ADCY10: variants seen among roughly 807,000 people sequenced by gnomAD.
ADCY10 encodes the protein adenylate cyclase type 10.
Under a neutral mutation model 183.3 loss-of-function variants are expected in ADCY10, and 156 were observed. The ratio of observed to expected loss-of-function variants is 0.85; its 90% CI spans 0.75 to 0.97. The LOEUF (loss-of-function observed/expected upper bound fraction) is 0.97. Among genes scored for constraint, ADCY10 ranks in the 50% least tolerant of loss-of-function variants. The probability of loss-of-function intolerance (pLI) is 0.00; values close to 1 mark genes in which losing one functional copy is unlikely to be tolerated. For synonymous variants in ADCY10, 645 were observed against 670.0 expected, an observed-to-expected ratio of 0.96 and a Z score of 0.58; for missense variants, 1,745 against 1,934.3, an observed-to-expected ratio of 0.90 and a Z score of 1.84.
Position 167,848,585 on chromosome 1 carries a change from A to G in ADCY10, c.2309-96T>C. On this transcript the variant is annotated intron_variant, in intron 18 of 32. Transcript: ENST00000367851. ...CTTTGAGATGGATCTCATATGAGGA[A>G]GACTGGGCAGAGATGTATATTGGCT... The G allele has an allele frequency of 3.0e-6, 4 of 1,322,790 alleles. No homozygotes were observed. The South Asian group carries it at 3.6e-5, about 12-fold the overall frequency. The allele number at this position is 1,322,790 out of a possible 1,614,324, so 81.9% of individuals were successfully genotyped here.
chr1:167,909,742 T>A (rs955550021), intron 1 of ADCY10, among the ~76,000 whole-genome samples: 1 of 152,158 alleles, frequency 6.6e-6, no homozygotes, highest in African/African-American at 2.4e-5. Flanking sequence ...AGGCAAGGTA[T>A]GACAGTTCAG....
At chr1:167,888,794 T>C (rs1371667163) in intron 8 of ADCY10, among the ~76,000 whole-genome samples, 1 of 104,830 alleles carries the variant, frequency 9.5e-6, no homozygotes, top group Non-Finnish European at 1.9e-5. Context: ...GAGAATAGAG[T>C]GAACCCGGGA....
intron 12 of ADCY10, among the ~76,000 whole-genome samples, chr1:167,876,536 C>T (rs1401262135): frequency 6.6e-6 from 1 of 152,174 alleles, no homozygotes; most frequent in Non-Finnish European, 1.5e-5. Flanking sequence ...TAACATACAG[C>T]TAAGTTTGTG....
rs1267667512 is a variant in ADCY10, at chr1:167,857,191, G to A, written c.1897-752C>T. Reference sequence around the variant, plus strand: ...GTAAGGTGTCACAATGCAGAAAACCGGCTCCCCAGTTCTCACTGCTCCAGA... The same window carrying A: ...GTAAGGTGTCACAATGCAGAAAACCAGCTCCCCAGTTCTCACTGCTCCAGA... On this transcript the variant is annotated intron_variant, in intron 16 of 32. Transcript: ENST00000367851. Among the ~76,000 whole-genome samples the A allele has an allele frequency of 3.9e-5, 6 of 152,222 alleles. No homozygotes were observed. In the South Asian group the frequency reaches 6.2e-4, roughly 16 times the overall value.
At chr1:167,848,156 A>C (rs1430153170) in intron 19 of ADCY10, among the ~76,000 whole-genome samples, 1 of 151,830 alleles carries the variant, frequency 6.6e-6, no homozygotes, top group Non-Finnish European at 1.5e-5. Context: ...TCCCAGGTTC[A>C]AGCAATTCTC....
chr1:167,896,686 G>A lies in ADCY10; in HGVS notation c.648C>T (p.Asn216=), dbSNP rs771748542. Residue 216 remains asparagine, a synonymous_variant, in exon 7 of 33, where the codon AAC becomes AAT. Transcript: ENST00000367851. ...TAAAATTGGGGGGTGGTTTTAAGAA[G>A]TTAACCTAAATAAAAGCAAATGAGA... is the stretch of plus-strand genomic sequence containing the variant. ...SVPDQRAVKV[N]FLKPPPNFNF... 3.1e-6 allele frequency: 5 copies of A among 1,602,780 alleles called. No homozygotes were observed. Among genetic ancestry groups the A allele is most frequent in the Non-Finnish European group, 3.4e-6 (4 of 1,169,834 alleles).
At chr1:167,822,173 A>T (rs1394465588) in intron 29 of ADCY10, 32 bp from the exon 30 acceptor site, 1 of 1,335,202 alleles carries the variant, frequency 7.5e-7, no homozygotes, top group Non-Finnish European at 1.1e-6. Flanking sequence ...GAGAGTTATT[A>T]GTAGGTGTGG....
In ADCY10 at chr1:167,829,224, T is replaced by C. The variant is rs750135660; in HGVS notation, c.3750+43A>G. 3.7e-6 allele frequency: 6 copies of C among 1,611,780 alleles called. No individual in the cohort carries two copies. The East Asian group carries it at 1.1e-4, about 30-fold the overall frequency. ...CTTTCACTAGGCTTTTCTTCCCAAA[T>C]GAAATTCAGAAACTTAAAGGAGCAG... On this transcript the variant is annotated intron_variant, in intron 26 of 32. Transcript: ENST00000367851.
At position 167,860,946 on chromosome 1, in the gene ADCY10, G is replaced by T; in HGVS notation, c.1734C>A (p.Thr578=). 1.9e-6 allele frequency: 3 copies of T among 1,614,100 alleles called. No homozygotes were observed. The highest frequency in any genetic ancestry group is 2.5e-6 in the Non-Finnish European group (3 of 1,179,986). The change falls in exon 15 of 33, where the codon ACC becomes ACA. Residue 578 remains threonine, a synonymous_variant. Coordinates refer to ENST00000367851, the MANE Select transcript of ADCY10 (RefSeq NM_018417.6). The stretch of plus-strand genomic sequence containing the variant: ...GTGTCATGACTTTATTTCGAAGGTT[G>T]GTCTGTCGTTCTTTATAATGTTTAC... ...DTCKHYKERQ[T]NLRNKVMTLL...
intron 7 of ADCY10, among the ~76,000 whole-genome samples, chr1:167,895,298 G>A (rs1668887120): frequency 1.3e-5 from 2 of 152,062 alleles, no homozygotes; most frequent in Admixed American, 1.3e-4. Context: ...TAAAGCTCAA[G>A]GAGTGGGTAA....
intron 31 of ADCY10, among the ~76,000 whole-genome samples, chr1:167,815,587 G>A (rs1169568784): frequency 6.6e-6 from 1 of 152,140 alleles, no homozygotes; most frequent in Non-Finnish European, 1.5e-5. Context: ...CATTACTAAA[G>A]ACTTATTTAG....
At chr1:167,900,467 T>C (rs1430851354) in intron 5 of ADCY10, among the ~76,000 whole-genome samples, 2 of 152,084 alleles carry the variant, frequency 1.3e-5, no homozygotes, top group Admixed American at 6.6e-5. Context: ...CCTTGGGTAC[T>C]AACTTAGAAA....
intron 14 of ADCY10, among the ~76,000 whole-genome samples, chr1:167,869,182 A>G (rs1666907730): frequency 6.6e-6 from 1 of 152,218 alleles, no homozygotes; most frequent in Admixed American, 6.5e-5. Context: ...TCCCAGCACT[A>G]GGAGGATTTA....
intron 22 of ADCY10, 100 bp from the exon 23 acceptor site, chr1:167,836,640 A>G (rs1194846994): frequency 1.1e-6 from 1 of 877,282 alleles, no homozygotes; most frequent in Non-Finnish European, 1.8e-6. Flanking sequence ...CTGTAATTCC[A>G]GCAGTTTGGG....
rs747593913 is a variant in ADCY10 at position 167,899,598 on chromosome 1, A to G, written c.467T>C (p.Val156Ala). ...GTGGCTGTGTGTTTCATCTCCAAAG[A>G]CCAACATGCTGATGTGGCCAGCAGC... ...GLAAGHISML[V>A]FGDETHSHFL... The change falls in exon 6 of 33, where the codon GTC (valine) becomes GCC (alanine). Residue 156 changes from valine to alanine, a missense_variant. Coordinates refer to ENST00000367851, the MANE Select transcript of ADCY10 (RefSeq NM_018417.6). The G allele has an allele frequency of 6.2e-7, 1 of 1,614,122 alleles. No homozygotes were observed. The highest frequency in any genetic ancestry group is 1.1e-5 in the South Asian group (1 of 91,080).
At chr1:167,841,776 T>C (rs1263022828) in intron 21 of ADCY10, among the ~76,000 whole-genome samples, 1 of 152,188 alleles carries the variant, frequency 6.6e-6, no homozygotes, top group African/African-American at 2.4e-5. Context: ...CCCAGATATT[T>C]ACTTCTTTAT....
At chr1:167,870,170 A>T in intron 14 of ADCY10, 87 bp downstream of exon 14, 1 of 1,459,508 alleles carries the variant, frequency 6.9e-7, no homozygotes, top group Admixed American at 1.7e-5. Flanking sequence ...GATAATTTAC[A>T]TAAGGCAAGT....
At chr1:167,840,500 G>C (rs1444334370) in intron 21 of ADCY10, among the ~76,000 whole-genome samples, 2 of 151,926 alleles carry the variant, frequency 1.3e-5, no homozygotes, top group Non-Finnish European at 1.5e-5. Context: ...GGGACTATAG[G>C]CGTGTCCCAC....
At chr1:167,851,274 C>T (rs1241886728) in intron 18 of ADCY10, among the ~76,000 whole-genome samples, 4 of 152,048 alleles carry the variant, frequency 2.6e-5, no homozygotes, top group Non-Finnish European at 5.9e-5. Context: ...GCAGCCTCAA[C>T]CTCCCTGGCT....
Sources: gnomAD v4.1 joint callset for allele counts (sites outside exome capture counted in the v4.1 genomes callset) on GRCh38, gnomAD v4.1.1 for gene constraint, MANE v1.5 for transcripts, NCBI Gene and HGNC (gene_info 2026-07-23, HGNC 2026-07-21) for gene names.